ENO1: variants seen among roughly 807,000 people sequenced by gnomAD.
The protein encoded by ENO1 is enolase 1, also known as alpha-enolase.
A neutral mutation model predicts 46.3 loss-of-function variants in ENO1; 33 were observed. That is an observed-to-expected ratio of 0.71 (90% CI 0.54 to 0.95). The LOEUF (loss-of-function observed/expected upper bound fraction) is 0.95. Ranked by LOEUF, ENO1 falls within the 40% of genes least tolerant of loss-of-function variation. The probability of loss-of-function intolerance (pLI) is 0.00; values close to 1 mark genes in which losing one functional copy is unlikely to be tolerated. For synonymous variants in ENO1, 220 were observed against 216.0 expected, an observed-to-expected ratio of 1.02 and a Z score of -0.16; for missense variants, 488 against 553.3, an observed-to-expected ratio of 0.88 and a Z score of 1.18.
Position 8,867,269 on chromosome 1 carries a change from G to C in ENO1, c.311-19C>G, listed in dbSNP as rs183139190. 1 of 1,612,946 alleles carries C rather than the reference G, an allele frequency of 6.2e-7. No homozygotes were observed. The highest frequency in any genetic ancestry group is 1.1e-5 in the South Asian group (1 of 91,042). On this transcript the variant is annotated intron_variant, in intron 5 of 11. Transcript: ENST00000234590. ...AACTTAGCTAGAACAGAAGAGAACC[G>C]AGTGGAATGAAGTCATTTCTGATTC...
intron 3 of ENO1, 141 bp from the exon 4 acceptor site, chr1:8,870,651 TCC>T: frequency 2.0e-6 from 3 of 1,499,700 alleles, no homozygotes; most frequent in Non-Finnish European, 2.7e-6. Flanking sequence ...CTCTCCCCTT[TCC>T]CCCCAGAATC....
At chr1:8,866,095 A>G (rs1019945886) in intron 7 of ENO1, 184 bp downstream of exon 7, 4 of 547,924 alleles carry the variant, frequency 7.3e-6, no homozygotes, top group African/African-American at 5.8e-5. Context: ...AAAAAAAAAG[A>G]AAAAAATAAG....
chr1:8,872,103 C>T, intron 2 of ENO1, 117 bp from the exon 3 acceptor site: 1 of 809,228 alleles, frequency 1.2e-6, no homozygotes, highest in South Asian at 1.6e-5. Flanking sequence ...TTCCTCCTAC[C>T]AGCTGTGTGA....
Position 8,866,278 on chromosome 1 carries a change from C to T in ENO1, c.667+1G>A. 1 of 1,613,952 alleles carries T rather than the reference C, an allele frequency of 6.2e-7. No individual in the cohort carries two copies. Among genetic ancestry groups the T allele is most frequent in the Non-Finnish European group, 8.5e-7 (1 of 1,180,016 alleles). ...GGGGGGCGGTTCCCTAGCGCCTTTA[C>T]CTTCTTTATTCTCCAGGATGTTGGG... On this transcript the variant is annotated splice_donor_variant, in intron 7 of 11. Coordinates refer to ENST00000234590, the MANE Select transcript of ENO1 (RefSeq NM_001428.5). LOFTEE classifies it high-confidence loss of function.
chr1:8,874,577 C>CAAAAAAAAA (rs140269736), intron 2 of ENO1, among the ~76,000 whole-genome samples: 57 of 51,524 alleles, frequency 1.1e-3, no homozygotes, highest in African/African-American at 2.5e-3. Flanking sequence ...GACTCCATCT[C>CAAAAAAAAA]AAAAAAAAAA....
At chr1:8,869,563 T>A (rs1642588916) in intron 4 of ENO1, among the ~76,000 whole-genome samples, 1 of 152,030 alleles carries the variant, frequency 6.6e-6, no homozygotes, top group Admixed American at 6.6e-5. Context: ...GAGAGCTTTG[T>A]TATTTTTATT....
intron 4 of ENO1, chr1:8,870,226 C>T (rs373537955): frequency 1.3e-5 from 7 of 553,900 alleles, no homozygotes; most frequent in Admixed American, 6.0e-5. Context: ...CCTCAGGGCT[C>T]GAAGTGTCTC....
intron 11 of ENO1, among the ~76,000 whole-genome samples, chr1:8,861,880 T>TA (rs749592337): frequency 0.48 from 53,948 of 112,460 alleles, 14,126 homozygotes; most frequent in East Asian, 0.77. Flanking sequence ...ATCTTGATGT[T>TA]AAAAAAAAAA....
rs11544491 is a variant in ENO1 at position 8,868,016 on chromosome 1, C to T, written c.282G>A (p.Met94Ile). The T allele has an allele frequency of 3.1e-6, 5 of 1,613,970 alleles. No individual in the cohort carries two copies. The highest frequency in any genetic ancestry group is 1.6e-4 in the Middle Eastern group (1 of 6,084). Residue 94 changes from methionine (M) to isoleucine (I), a missense_variant, in exon 5 of 12, where the codon ATG (methionine) becomes ATA (isoleucine). Transcript: ENST00000234590. Reference sequence around the variant, plus strand: ...TATTTTCTGTTCCATCCATCTCGATCATCAGTTTGTCAATCTTCTCTTGTT... The same window carrying T: ...TATTTTCTGTTCCATCCATCTCGATTATCAGTTTGTCAATCTTCTCTTGTT... ...VTEQEKIDKL[M>I]IEMDGTENKS...
At position 8,861,367 on chromosome 1, in the gene ENO1, G is replaced by T; in HGVS notation, c.1298C>A (p.Ala433Asp). ...FAGRNFRNPL[A>D]K ...GGCTTGCCTGCCCACAGCTTACTTG[G>T]CCAAGGGGTTTCTGAAGTTCCTGCC... Residue 433 changes from alanine (A) to aspartate (D), a missense_variant, in exon 12 of 12, where the codon GCC (alanine) becomes GAC (aspartate). Coordinates refer to ENST00000234590, the MANE Select transcript of ENO1 (RefSeq NM_001428.5). 3 of 1,613,892 alleles carry T rather than the reference G, an allele frequency of 1.9e-6. No individual in the cohort carries two copies. Among genetic ancestry groups the T allele is most frequent in the Non-Finnish European group, 2.5e-6 (3 of 1,180,016 alleles).
chr1:8,870,205 G>T lies in ENO1; in HGVS notation c.240+247C>A, dbSNP rs187723164. The T allele has an allele frequency of 1.2e-3, 661 of 529,540 alleles. 1 individual carries two copies. Among genetic ancestry groups the T allele is most frequent in the Middle Eastern group, 2.0e-3 (4 of 1,962 alleles). The allele number at this position is 529,540 out of a possible 1,614,324, so 32.8% of individuals were successfully genotyped here. On this transcript the variant is annotated intron_variant, in intron 4 of 11. Coordinates refer to ENST00000234590, the MANE Select transcript of ENO1 (RefSeq NM_001428.5). Reference sequence around the variant, plus strand: ...TCTTCAAAGGTCCAGAGAGTTGCAGGGGGGAAGAAACCTCAGGGCTCGAAG... The same window carrying T: ...TCTTCAAAGGTCCAGAGAGTTGCAGTGGGGAAGAAACCTCAGGGCTCGAAG...
rs1198995022 is a variant in ENO1 at position 8,865,315 on chromosome 1, G to C, written c.835C>G (p.Leu279Val). 6.2e-7 allele frequency: 1 copy of C among 1,614,074 alleles called. No homozygotes were observed. The highest frequency in any genetic ancestry group is 1.3e-5 in the African/African-American group (1 of 74,922). Residue 279 changes from leucine (L) to valine (V), a missense_variant, in exon 8 of 12, where the codon CTG becomes GTG. Leu to Val is a conservative substitution (Grantham distance 32). Coordinates refer to ENST00000234590, the MANE Select transcript of ENO1 (RefSeq NM_001428.5). ...TAGTCCTTGATGAAGGACTTGTACA[G>C]GTCAGCCAGCTGGTCAGGCGAGATG... Reference protein sequence around the residue: ...RYISPDQLADLYKSFIKDYPV... With the variant: ...RYISPDQLADVYKSFIKDYPV...
rs547862696 is a variant in ENO1, at chr1:8,874,152, T to C, written c.85+672A>G. Reference sequence around the variant, plus strand: ...GATACCATCCTATCACACTGTATCCTGCATTTGGTCACAGCAAGCTGTCAG... The same window carrying C: ...GATACCATCCTATCACACTGTATCCCGCATTTGGTCACAGCAAGCTGTCAG... On this transcript the variant is annotated intron_variant, in intron 2 of 11. Coordinates refer to ENST00000234590, the MANE Select transcript of ENO1 (RefSeq NM_001428.5). 2.9e-3 allele frequency among the ~76,000 whole-genome samples: 441 copies of C among 152,318 alleles called. 4 individuals carry two copies. The highest frequency in any genetic ancestry group is 8.4e-3 in the African/African-American group (350 of 41,570).
At chr1:8,871,697 G>A in intron 3 of ENO1, 194 bp downstream of exon 3, 1 of 1,325,534 alleles carries the variant, frequency 7.5e-7, no homozygotes, top group Non-Finnish European at 9.9e-7. Context: ...TGCAGGCTCG[G>A]GAACCCCGGA....
intron 4 of ENO1, among the ~76,000 whole-genome samples, chr1:8,868,286 G>A (rs936331329): frequency 4.6e-5 from 7 of 152,080 alleles, no homozygotes. Context: ...AACAGAGATG[G>A]CACTCTCAGA....
At chr1:8,862,829 G>A in intron 11 of ENO1, 58 bp downstream of exon 11, 1 of 1,569,536 alleles carries the variant, frequency 6.4e-7, no homozygotes, top group Non-Finnish European at 8.7e-7. Flanking sequence ...TGCCTACACT[G>A]AGTGCAGGCC....
intron 9 of ENO1, 86 bp from the exon 10 acceptor site, chr1:8,863,429 G>A: frequency 7.5e-7 from 1 of 1,333,624 alleles, no homozygotes; most frequent in Non-Finnish European, 1.0e-6. Context: ...GTGCCAGCAG[G>A]AAAGCAGTGG....
At chr1:8,876,025 ACAC>A (rs1334901235) in intron 1 of ENO1, 2 of 152,100 alleles carry the variant, frequency 1.3e-5, no homozygotes, top group Non-Finnish European at 2.9e-5. Flanking sequence ...GCTTCCTTTA[ACAC>A]CACCTTAAAA....
rs1296440212 is a variant in ENO1 at position 8,871,919 on chromosome 1, G to A, written c.153C>T (p.Asp51=). ...TGIYEALELR[D]NDKTRYMGKG... ...TCCCCATATAGCGAGTCTTATCATT[G>A]TCCCGGAGCTCTAGGGCCTCATAGA... The change falls in exon 3 of 12, where the codon GAC becomes GAT. Residue 51 remains aspartate (D), a synonymous_variant. Transcript: ENST00000234590. 2 of 1,614,040 alleles carry A rather than the reference G, an allele frequency of 1.2e-6. No individual in the cohort carries two copies. Among genetic ancestry groups the A allele is most frequent in the Non-Finnish European group, 1.7e-6 (2 of 1,180,026 alleles).
Sources: allele counts gnomAD v4.1 joint callset (sites outside exome capture counted in the v4.1 genomes callset), GRCh38; gene constraint gnomAD v4.1.1; transcripts MANE v1.5; gene names NCBI Gene and HGNC (gene_info 2026-07-23, HGNC 2026-07-21).